IL1RAP: variants seen among roughly 807,000 people sequenced by gnomAD.
IL1RAP encodes the protein interleukin 1 receptor accessory protein.
Under a neutral mutation model 60.7 loss-of-function variants are expected in IL1RAP, and 35 were observed. The ratio of observed to expected loss-of-function variants is 0.58; its 90% confidence interval spans 0.44 to 0.76. The LOEUF (loss-of-function observed/expected upper bound fraction) is 0.76. Ranked by LOEUF, IL1RAP falls within the 30% of genes least tolerant of loss-of-function variation. The probability of loss-of-function intolerance (pLI) is 0.00; values close to 1 mark genes in which losing one functional copy is unlikely to be tolerated. For missense variants in IL1RAP, 572 were observed against 693.9 expected (o/e 0.82, Z 1.97); for synonymous variants, 268 against 250.9 (o/e 1.07, Z -0.64).
intron 9 of IL1RAP, among the ~76,000 whole-genome samples, chr3:190,640,408 C>G (rs186848205): frequency 6.6e-6 from 1 of 152,194 alleles, no homozygotes; most frequent in Non-Finnish European, 1.5e-5. Context: ...TTTTAACACA[C>G]TATAATAGCC....
chr3:190,609,899 C>T (rs1730673045), intron 5 of IL1RAP, among the ~76,000 whole-genome samples: 1 of 152,128 alleles, frequency 6.6e-6, no homozygotes, highest in South Asian at 2.1e-4. Context: ...TCAGACTTGA[C>T]AACAGGAGAA....
chr3:190,571,738 G>A (rs1336534286), intron 3 of IL1RAP, among the ~76,000 whole-genome samples: 2 of 152,160 alleles, frequency 1.3e-5, no homozygotes, highest in Non-Finnish European at 2.9e-5. Context: ...TTTAAAGCAA[G>A]CTTGTCCAAC....
chr3:190,587,395 T>G (rs943281862), intron 3 of IL1RAP, among the ~76,000 whole-genome samples: 4 of 152,260 alleles, frequency 2.6e-5, no homozygotes, highest in Admixed American at 2.6e-4. Flanking sequence ...TGTAAAACAC[T>G]TAATACCTGG....
chr3:190,567,791 T>G (rs1215648393), intron 3 of IL1RAP, among the ~76,000 whole-genome samples: 2 of 152,200 alleles, frequency 1.3e-5, no homozygotes, highest in Admixed American at 6.5e-5. Context: ...GGAAAATGAT[T>G]GTAATACAAA....
intron 9 of IL1RAP, chr3:190,630,182 A>T: frequency 2.7e-6 from 2 of 754,634 alleles, no homozygotes; most frequent in Non-Finnish European, 3.2e-6. Flanking sequence ...CATTTAAATT[A>T]TGATTTTAAA....
At chr3:190,615,557 T>C (rs1043462592) in intron 5 of IL1RAP, among the ~76,000 whole-genome samples, 1 of 152,242 alleles carries the variant, frequency 6.6e-6, no homozygotes, top group Non-Finnish European at 1.5e-5. Flanking sequence ...GGGTGTTTTG[T>C]AGATTACATT....
At chr3:190,567,162 A>T (rs528009600) in intron 3 of IL1RAP, among the ~76,000 whole-genome samples, 1 of 152,304 alleles carries the variant, frequency 6.6e-6, no homozygotes, top group South Asian at 2.1e-4. Context: ...AAGTCATACG[A>T]TTCTGACTTC....
At chr3:190,537,877 C>CA (rs1158135008) in intron 1 of IL1RAP, among the ~76,000 whole-genome samples, 1 of 152,122 alleles carries the variant, frequency 6.6e-6, no homozygotes, top group Non-Finnish European at 1.5e-5. Context: ...CTTGCCTACT[C>CA]ACCTGCAGGT....
intron 3 of IL1RAP, among the ~76,000 whole-genome samples, chr3:190,576,592 A>G (rs919494424): frequency 1.3e-5 from 2 of 152,188 alleles, no homozygotes; most frequent in African/African-American, 4.8e-5. Context: ...AATCCAGCCT[A>G]GCATTGGTCA....
intron 5 of IL1RAP, among the ~76,000 whole-genome samples, chr3:190,610,935 T>C (rs1237960171): frequency 1.3e-5 from 2 of 152,202 alleles, no homozygotes; most frequent in African/African-American, 4.8e-5. Flanking sequence ...AAGTTTATAA[T>C]GACATTTCAC....
chr3:190,544,970 A>G (rs1003202888), intron 1 of IL1RAP, among the ~76,000 whole-genome samples: 33 of 152,222 alleles, frequency 2.2e-4, no homozygotes, highest in Non-Finnish European at 2.8e-4. Flanking sequence ...CAGAGGGTCT[A>G]AGATAATTTA....
At chr3:190,549,657 A>C (rs1014100517) in intron 1 of IL1RAP, among the ~76,000 whole-genome samples, 2 of 152,166 alleles carry the variant, frequency 1.3e-5, no homozygotes, top group African/African-American at 4.8e-5. Context: ...TGATTGGTAA[A>C]ACAACTTTTA....
At chr3:190,524,816 A>C (rs1378354442) in intron 1 of IL1RAP, among the ~76,000 whole-genome samples, 1 of 152,208 alleles carries the variant, frequency 6.6e-6, no homozygotes, top group Non-Finnish European at 1.5e-5. Context: ...ATAAGACAGT[A>C]AATTATACAT....
At chr3:190,635,733 T>C (rs1303606785) in intron 9 of IL1RAP, among the ~76,000 whole-genome samples, 2 of 152,226 alleles carry the variant, frequency 1.3e-5, no homozygotes, top group African/African-American at 4.8e-5. Flanking sequence ...TTGATAGTTA[T>C]TTGTAACATT....
chr3:190,547,745 T>G lies in IL1RAP; in HGVS notation c.-88-8385T>G, dbSNP rs573533809. On this transcript the variant is annotated intron_variant, in intron 1 of 11. Transcript: ENST00000447382. ...GTAAGTCTGCTGTGAATGTTCTAAT[T>G]TAACTCTTGACTTTAACTCTTCCTA... Among the ~76,000 whole-genome samples, 205 of 152,312 alleles carry G rather than the reference T, an allele frequency of 1.3e-3. 1 individual carries two copies. The highest frequency in any genetic ancestry group is 4.6e-3 in the African/African-American group (193 of 41,566).
chr3:190,650,261 C>T lies in IL1RAP; in HGVS notation c.*1556C>T, dbSNP rs74323346. ...AGAGTGATAGTTGTCATAGTTCTTG[C>T]CTTCCCTAAGTTTATATAAATAACT... On this transcript the variant is annotated 3_prime_UTR_variant, in exon 12 of 12. Coordinates refer to ENST00000447382, the MANE Select transcript of IL1RAP (RefSeq NM_002182.4). 6.2e-4 allele frequency: 612 copies of T among 985,142 alleles called. 12 individuals are homozygous for T. The East Asian group carries it at 0.055, about 88-fold the overall frequency. 61.0% of individuals were successfully genotyped at this position (985,142 alleles called of 1,614,324 possible).
chr3:190,567,419 G>C (rs986681419), intron 3 of IL1RAP, among the ~76,000 whole-genome samples: 1 of 152,156 alleles, frequency 6.6e-6, no homozygotes, highest in Non-Finnish European at 1.5e-5. Flanking sequence ...TTCAATGTCA[G>C]TCTCACACCC....
intron 3 of IL1RAP, among the ~76,000 whole-genome samples, chr3:190,591,821 CA>C (rs1347152851): frequency 6.6e-6 from 1 of 152,122 alleles, no homozygotes; most frequent in Non-Finnish European, 1.5e-5. Context: ...AAAACCCCCA[CA>C]AAAACAAGCT....
chr3:190,659,175 T>A (rs1163025211), exon 12 of IL1RAP: 1 of 152,150 alleles, frequency 6.6e-6, no homozygotes, highest in Non-Finnish European at 1.5e-5. Context: ...AGAAATTAAA[T>A]TTTTCATTTA....
Sources: gnomAD v4.1 joint callset for allele counts (sites outside exome capture counted in the v4.1 genomes callset) on GRCh38, gnomAD v4.1.1 for gene constraint, MANE v1.5 for transcripts, NCBI Gene and HGNC (gene_info 2026-07-23, HGNC 2026-07-21) for gene names.